Variants in CTNND2 observed in about 807,000 individuals in gnomAD.
The protein encoded by CTNND2 is catenin delta 2, also known as catenin delta-2.
In CTNND2, 22 loss-of-function variants were observed where a neutral mutation model predicts 144.4. The observed-to-expected ratio is 0.15, with a 90% confidence interval of 0.11 to 0.22. The LOEUF (loss-of-function observed/expected upper bound fraction) is 0.22, where lower values mean the gene tolerates loss of function less well. Ranked by LOEUF, CTNND2 falls within the 10% of genes least tolerant of loss-of-function variation. The probability of loss-of-function intolerance (pLI) is 1.00; values close to 1 mark genes in which losing one functional copy is unlikely to be tolerated. For missense variants in CTNND2, 1,353 were observed against 1,618.8 expected (o/e 0.84, Z 2.82); for synonymous variants, 751 against 695.6 (o/e 1.08, Z -1.25).
intron 1 of CTNND2, among the ~76,000 whole-genome samples, chr5:11,900,713 T>C (rs549219822): frequency 1.3e-5 from 2 of 152,296 alleles, no homozygotes; most frequent in South Asian, 4.1e-4. Flanking sequence ...AGGAAAACCA[T>C]CATGGAAGCC....
At chr5:11,372,020 G>T (rs767583818) in intron 7 of CTNND2, among the ~76,000 whole-genome samples, 5 of 152,114 alleles carry the variant, frequency 3.3e-5, no homozygotes, top group Non-Finnish European at 7.4e-5. Context: ...CAGCTTTGCT[G>T]CTTTCACTAA....
rs977320502 is a variant in CTNND2 at position 11,732,366 on chromosome 5, A to T, written c.38-94T>A. On this transcript the variant is annotated intron_variant, in intron 1 of 21. Coordinates refer to ENST00000304623, the MANE Select transcript of CTNND2 (RefSeq NM_001332.4). ...CTTTGAAGATACACACAGAAAAAAA[A>T]GTAAAACTATAAGCTGCTGAGAAAG... 8 of 1,269,582 alleles carry T rather than the reference A, an allele frequency of 6.3e-6. No homozygotes were observed. The African/African-American group carries it at 1.0e-4, about 17-fold the overall frequency. The allele number at this position is 1,269,582 out of a possible 1,614,324, so 78.6% of individuals were successfully genotyped here. A position where few individuals can be genotyped will look rare whatever the true frequency, so the allele number is the denominator to read the frequency against.
At chr5:11,466,191 G>A (rs918904117) in intron 3 of CTNND2, among the ~76,000 whole-genome samples, 3 of 151,940 alleles carry the variant, frequency 2.0e-5, no homozygotes, top group South Asian at 2.1e-4. Context: ...TTGTAGAGAC[G>A]GGGGCTTGCT....
At chr5:11,501,004 T>C (rs998196575) in intron 3 of CTNND2, among the ~76,000 whole-genome samples, 1 of 152,162 alleles carries the variant, frequency 6.6e-6, no homozygotes, top group African/African-American at 2.4e-5. Flanking sequence ...CTTTATAGTA[T>C]CTCTTTTATT....
intron 2 of CTNND2, among the ~76,000 whole-genome samples, chr5:11,579,015 G>T (rs7700679): frequency 2.0e-5 from 3 of 152,106 alleles, no homozygotes; most frequent in Non-Finnish European, 2.9e-5. Flanking sequence ...ACAATACTGC[G>T]CATTCAATTA....
intron 15 of CTNND2, among the ~76,000 whole-genome samples, chr5:11,085,484 G>T (rs1658132723): frequency 6.6e-6 from 1 of 152,180 alleles, no homozygotes; most frequent in South Asian, 2.1e-4. Flanking sequence ...GTCAGGAAAG[G>T]ATCCCTTCCT....
intron 1 of CTNND2, among the ~76,000 whole-genome samples, chr5:11,854,670 G>A (rs1464962928): frequency 6.6e-6 from 1 of 152,134 alleles, no homozygotes; most frequent in Non-Finnish European, 1.5e-5. Context: ...CTTACAGAAG[G>A]TATATATTCC....
intron 2 of CTNND2, among the ~76,000 whole-genome samples, chr5:11,655,660 A>G (rs1742083897): frequency 6.6e-6 from 1 of 152,050 alleles, no homozygotes; most frequent in South Asian, 2.1e-4. Flanking sequence ...AATAAAACAC[A>G]ATACAAATGG....
intron 1 of CTNND2, among the ~76,000 whole-genome samples, chr5:11,816,369 G>A (rs1455088213): frequency 2.0e-5 from 3 of 151,950 alleles, no homozygotes; most frequent in Non-Finnish European, 4.4e-5. Flanking sequence ...AACCAGATGT[G>A]GTTGGGAGAT....
intron 9 of CTNND2, among the ~76,000 whole-genome samples, chr5:11,321,889 A>G: frequency 6.6e-6 from 1 of 151,878 alleles, no homozygotes; most frequent in African/African-American, 2.4e-5. Flanking sequence ...GCTTAACCCT[A>G]TCTCCCCACT....
At chr5:11,297,300 T>C (rs541189607) in intron 9 of CTNND2, among the ~76,000 whole-genome samples, 7 of 152,284 alleles carry the variant, frequency 4.6e-5, no homozygotes, top group Non-Finnish European at 7.4e-5. Context: ...ATAACCACAA[T>C]TGTCTAAAAA....
intron 9 of CTNND2, among the ~76,000 whole-genome samples, chr5:11,321,701 C>T (rs1184344912): frequency 2.0e-5 from 3 of 152,024 alleles, no homozygotes; most frequent in African/African-American, 4.8e-5. Context: ...TAAATAACCC[C>T]CCAATGCACA....
intron 2 of CTNND2, among the ~76,000 whole-genome samples, chr5:11,595,947 T>C (rs993440465): frequency 1.3e-5 from 2 of 152,228 alleles, no homozygotes; most frequent in Non-Finnish European, 2.9e-5. Flanking sequence ...TAAATATATA[T>C]TCTTTCCAAA....
At position 11,027,594 on chromosome 5, in the gene CTNND2, C is replaced by G. The variant is rs543226210; in HGVS notation, c.2789-4615G>C. 2.0e-5 allele frequency among the ~76,000 whole-genome samples: 3 copies of G among 152,114 alleles called. No homozygotes were observed. In the East Asian group the frequency reaches 5.8e-4, roughly 29 times the overall value. On this transcript the variant is annotated intron_variant, in intron 16 of 21. Transcript: ENST00000304623. ...AACTGAAACCTTGTAACTTTGCTAC[C>G]CTTTCCACTGTGTGTATGTGTGTGT...
At chr5:11,543,958 C>G (rs908745971) in intron 3 of CTNND2, among the ~76,000 whole-genome samples, 1 of 152,126 alleles carries the variant, frequency 6.6e-6, no homozygotes, top group Non-Finnish European at 1.5e-5. Flanking sequence ...GAACATGAAT[C>G]CACAATCGGA....
rs557401106 is a variant in CTNND2, at chr5:10,994,110, A to C, written c.3085-1433T>G. Among the ~76,000 whole-genome samples, 9 of 150,322 alleles carry C rather than the reference A, an allele frequency of 6.0e-5. No homozygotes were observed. The South Asian group carries it at 1.9e-3, about 32-fold the overall frequency. ...TCTACAGGAAGAATTTGAGCCTTCGAAAGTAAATAGGCCACCCAAAGTCAA... is the reference window on the plus strand; with the variant it reads ...TCTACAGGAAGAATTTGAGCCTTCGCAAGTAAATAGGCCACCCAAAGTCAA... On this transcript the variant is annotated intron_variant, in intron 18 of 21. Coordinates refer to ENST00000304623, the MANE Select transcript of CTNND2 (RefSeq NM_001332.4).
At position 10,972,348 on chromosome 5, in the gene CTNND2, C is replaced by A. The variant is rs61752753; in HGVS notation, c.*1105G>T. 0.016 allele frequency: 2,424 copies of A among 152,370 alleles called. 42 individuals are homozygous for A. Among genetic ancestry groups the A allele is most frequent in the Non-Finnish European group, 0.019 (1,283 of 68,022 alleles). 9.4% of individuals were successfully genotyped at this position (152,370 alleles called of 1,614,324 possible). A position where few individuals can be genotyped will look rare whatever the true frequency, so the allele number is the denominator to read the frequency against. On this transcript the variant is annotated 3_prime_UTR_variant, in exon 22 of 22. Coordinates refer to ENST00000304623, the MANE Select transcript of CTNND2 (RefSeq NM_001332.4). ...ACTGATGTACATTTATACTAAAAAA[C>A]CAAAAACAAAGTTTGTACAAGATGA...
intron 1 of CTNND2, among the ~76,000 whole-genome samples, chr5:11,826,173 A>G (rs955129110): frequency 2.0e-5 from 3 of 152,070 alleles, no homozygotes; most frequent in Non-Finnish European, 4.4e-5. Flanking sequence ...TGGATTTTAC[A>G]ACATATATAG....
At chr5:11,832,050 T>A (rs1482285826) in intron 1 of CTNND2, among the ~76,000 whole-genome samples, 11 of 151,682 alleles carry the variant, frequency 7.3e-5, no homozygotes, top group African/African-American at 2.7e-4. Context: ...TTGGGAGTCC[T>A]AGACAGGTGG....
Sources: gnomAD v4.1 joint callset for allele counts (sites outside exome capture counted in the v4.1 genomes callset) on GRCh38, gnomAD v4.1.1 for gene constraint, MANE v1.5 for transcripts, NCBI Gene and HGNC (gene_info 2026-07-23, HGNC 2026-07-21) for gene names.